SOS1: variants seen among roughly 807,000 people sequenced by gnomAD.
SOS1 encodes son of sevenless homolog 1.
In SOS1, 25 loss-of-function variants were observed where a neutral mutation model predicts 157.6. That is an observed-to-expected ratio of 0.16 (90% CI 0.12 to 0.22). SOS1 has a LOEUF of 0.22. Ranked by LOEUF, SOS1 falls within the 10% of genes least tolerant of loss-of-function variation. The pLI, the probability that SOS1 is intolerant of heterozygous loss-of-function variation, is 1.00. For synonymous variants in SOS1, 528 were observed against 534.0 expected (o/e 0.99, Z 0.16); for missense variants, 1,237 against 1,599.1 (o/e 0.77, Z 3.86).
intron 15 of SOS1, among the ~76,000 whole-genome samples, chr2:39,009,347 T>C (rs1291345215): frequency 6.6e-6 from 1 of 152,024 alleles, no homozygotes; most frequent in Non-Finnish European, 1.5e-5. Context: ...CTGAGAGAAT[T>C]TGTTGCTAGC....
chr2:39,063,811 T>A (rs1185966382), intron 2 of SOS1, among the ~76,000 whole-genome samples: 1 of 152,146 alleles, frequency 6.6e-6, no homozygotes, highest in African/African-American at 2.4e-5. Context: ...TAAAGCAAAG[T>A]GTATTCTTTA....
chr2:39,070,706 T>C (rs989804839), intron 1 of SOS1, among the ~76,000 whole-genome samples: 2 of 152,186 alleles, frequency 1.3e-5, no homozygotes, highest in Non-Finnish European at 2.9e-5. Flanking sequence ...CTGCTCCTGA[T>C]TTCACTTAGA....
intron 1 of SOS1, among the ~76,000 whole-genome samples, chr2:39,114,030 C>T (rs1280679575): frequency 6.6e-6 from 1 of 152,218 alleles, no homozygotes; most frequent in African/African-American, 2.4e-5. Flanking sequence ...AAACTTAACA[C>T]TTTTCAGGCC....
intron 8 of SOS1, among the ~76,000 whole-genome samples, chr2:39,028,203 C>A (rs548552068): frequency 6.6e-6 from 1 of 152,098 alleles, no homozygotes; most frequent in Non-Finnish European, 1.5e-5. Flanking sequence ...TTACCAGTGA[C>A]GAATTTTTTT....
chr2:39,009,892 T>G (rs1246896205), intron 15 of SOS1, among the ~76,000 whole-genome samples: 1 of 152,120 alleles, frequency 6.6e-6, no homozygotes, highest in East Asian at 1.9e-4. Context: ...TCAAAAAAAG[T>G]TAATGAAAAA....
chr2:39,038,710 G>A (rs1670442887), intron 6 of SOS1, among the ~76,000 whole-genome samples: 1 of 15,406 alleles, frequency 6.5e-5, no homozygotes, highest in African/African-American at 2.5e-4. Flanking sequence ...CTCCAGCCTG[G>A]CAACAAAATG....
At chr2:39,032,883 C>G (rs778102013) in intron 8 of SOS1, among the ~76,000 whole-genome samples, 12 of 151,746 alleles carry the variant, frequency 7.9e-5, no homozygotes, top group Non-Finnish European at 1.6e-4. Flanking sequence ...GAGAATCGCT[C>G]GAAGCTGGGA....
rs1408544158 is a variant in SOS1, at chr2:39,022,728, A to G, written c.1700T>C (p.Met567Thr). 6.2e-7 allele frequency: 1 copy of G among 1,613,768 alleles called. No homozygotes were observed. The highest frequency in any genetic ancestry group is 1.3e-5 in the African/African-American group (1 of 75,016). ...TMLQEEKEEQ[M>T]RLPSADVYRF... ...ATAAACATCAGCACTAGGCAGCCTC[A>G]TCTGCTCCTCTTTCTCTTCCTGTAG... Residue 567 changes from methionine (M) to threonine (T), a missense_variant, in exon 10 of 23, where the codon ATG becomes ACG. By Grantham distance (81) the Met-to-Thr change is moderately conservative. Coordinates refer to ENST00000402219, the MANE Select transcript of SOS1 (RefSeq NM_005633.4).
intron 1 of SOS1, among the ~76,000 whole-genome samples, chr2:39,101,041 T>G (rs1477410757): frequency 6.6e-6 from 1 of 152,202 alleles, no homozygotes; most frequent in Non-Finnish European, 1.5e-5. Flanking sequence ...ATTTATAAAG[T>G]AAAGAGTTTT....
chr2:39,084,262 C>T (rs775860433), intron 1 of SOS1, among the ~76,000 whole-genome samples: 2 of 151,968 alleles, frequency 1.3e-5, no homozygotes, highest in African/African-American at 2.4e-5. Flanking sequence ...CATATTAGAG[C>T]TATTAAGTGA....
intron 10 of SOS1, among the ~76,000 whole-genome samples, chr2:39,021,570 A>G (rs989729159): frequency 6.6e-6 from 1 of 151,166 alleles, no homozygotes; most frequent in African/African-American, 2.4e-5. Flanking sequence ...TCTTACAAAC[A>G]CAGAGAAAAA....
chr2:39,070,817 A>C (rs2148147131), intron 1 of SOS1, among the ~76,000 whole-genome samples: 1 of 152,302 alleles, frequency 6.6e-6, no homozygotes, highest in East Asian at 1.9e-4. Context: ...CCACAGACTT[A>C]AGAGTTAAAA....
At chr2:39,110,039 CGTGTGTGTGTGTGTGT>C (rs779110307) in intron 1 of SOS1, among the ~76,000 whole-genome samples, 4 of 135,420 alleles carry the variant, frequency 3.0e-5, no homozygotes, top group Non-Finnish European at 6.3e-5. Flanking sequence ...TGTGTGTGTG[CGTGTGTGTGTGTGTGT>C]GTGTGTGTGT....
intron 1 of SOS1, among the ~76,000 whole-genome samples, chr2:39,098,705 C>T (rs1486851424): frequency 2.6e-5 from 4 of 152,018 alleles, no homozygotes; most frequent in East Asian, 1.9e-4. Context: ...CTGTCTAATA[C>T]GGTGAAACCC....
At chr2:39,016,382 G>C (rs947247324) in intron 10 of SOS1, among the ~76,000 whole-genome samples, 30 of 152,104 alleles carry the variant, frequency 2.0e-4, no homozygotes, top group African/African-American at 7.0e-4. Flanking sequence ...CTCTCTGTTG[G>C]TATTTTATTG....
At position 39,043,909 on chromosome 2, in the gene SOS1, CTATGCCGCAA is replaced by C. The variant is rs574712309; in HGVS notation, c.864+7225_864+7234del. Reference sequence around the variant, plus strand: ...AACCACAGCATTCACAACACCTGGTCTATGCCGCAAGTCATTTGTTGAAATACACTTTTGA... The same window carrying C: ...AACCACAGCATTCACAACACCTGGTCGTCATTTGTTGAAATACACTTTTGA... On this transcript the variant is annotated intron_variant, in intron 6 of 22. Transcript: ENST00000402219. Among the ~76,000 whole-genome samples, 194 of 152,244 alleles carry C rather than the reference CTATGCCGCAA, an allele frequency of 1.3e-3. 1 individual carries two copies. Among genetic ancestry groups the C allele is most frequent in the African/African-American group, 4.4e-3 (183 of 41,494 alleles).
chr2:39,115,855 T>C (rs1269332193), intron 1 of SOS1, among the ~76,000 whole-genome samples: 1 of 152,250 alleles, frequency 6.6e-6, no homozygotes, highest in South Asian at 2.1e-4. Flanking sequence ...AGAGATGCCA[T>C]GAACATTCAT....
At chr2:39,103,593 A>G (rs1031346656) in intron 1 of SOS1, among the ~76,000 whole-genome samples, 9 of 152,238 alleles carry the variant, frequency 5.9e-5, no homozygotes, top group African/African-American at 1.9e-4. Flanking sequence ...TTCCACAAGC[A>G]AAAGAATGAC....
intron 6 of SOS1, among the ~76,000 whole-genome samples, chr2:39,044,486 A>G (rs1035661110): frequency 1.3e-5 from 2 of 151,860 alleles, no homozygotes; most frequent in African/African-American, 4.8e-5. Context: ...AATTATTCCT[A>G]TTTTTTCAAA....
Sources: gnomAD v4.1 joint callset for allele counts (sites outside exome capture counted in the v4.1 genomes callset) on GRCh38, gnomAD v4.1.1 for gene constraint, MANE v1.5 for transcripts, NCBI Gene and HGNC (gene_info 2026-07-23, HGNC 2026-07-21) for gene names.